The following DTHD1 variants were observed in gnomAD, a reference collection of about 807,000 sequenced individuals.
The protein encoded by DTHD1 is death domain-containing protein 1.
DTHD1 carries 59 observed loss-of-function variants against 74.8 expected under a neutral mutation model. The observed-to-expected ratio is 0.79, with a 90% CI of 0.64 to 0.98. The LOEUF (loss-of-function observed/expected upper bound fraction) is 0.98. DTHD1 is among the 50% of genes least tolerant of loss of function. DTHD1 has a pLI of 0.00. For synonymous variants in DTHD1, 365 were observed against 371.1 expected, an observed-to-expected ratio of 0.98 and a Z score of 0.19; for missense variants, 1,051 against 1,065.4, an observed-to-expected ratio of 0.99 and a Z score of 0.19.
At chr4:36,317,929 T>G (rs1056107540) in intron 8 of DTHD1, among the ~76,000 whole-genome samples, 2 of 152,206 alleles carry the variant, frequency 1.3e-5, no homozygotes, top group Non-Finnish European at 2.9e-5. Context: ...AAAAGGCAAG[T>G]TGGGGGAGAG....
intron 1 of DTHD1, among the ~76,000 whole-genome samples, chr4:36,283,271 A>G (rs1222648078): frequency 1.3e-5 from 2 of 152,180 alleles, no homozygotes; most frequent in Admixed American, 6.5e-5. Context: ...ATAAGATTTG[A>G]TCATGCTAAG....
chr4:36,300,092 T>G (rs1756671814), intron 5 of DTHD1, among the ~76,000 whole-genome samples: 1 of 152,234 alleles, frequency 6.6e-6, no homozygotes. Flanking sequence ...GTTTTCATCT[T>G]AAATCTGCTA....
chr4:36,284,985 A>T (rs888376664), intron 2 of DTHD1, among the ~76,000 whole-genome samples: 11 of 152,178 alleles, frequency 7.2e-5, no homozygotes, highest in African/African-American at 2.7e-4. Context: ...ATTTCAATGC[A>T]TGAATTTTGA....
chr4:36,316,210 A>T (rs58707171), intron 7 of DTHD1, 32 bp from the exon 8 acceptor site: 22 of 1,542,390 alleles, frequency 1.4e-5, no homozygotes, highest in Middle Eastern at 1.7e-4. Context: ...GAGATAACTT[A>T]ATGGTAATAA....
At chr4:36,323,441 G>C (rs1758151395) in intron 8 of DTHD1, among the ~76,000 whole-genome samples, 1 of 151,984 alleles carries the variant, frequency 6.6e-6, no homozygotes, top group Admixed American at 6.6e-5. Flanking sequence ...CTAGATAAAT[G>C]AGATGATTCT....
rs1441961507 is a variant in DTHD1, at chr4:36,316,288, G to A, written c.2142G>A (p.Leu714=). 1.9e-6 allele frequency: 3 copies of A among 1,551,538 alleles called. No individual in the cohort carries two copies. The African/African-American group carries it at 4.1e-5, about 21-fold the overall frequency. Residue 714 remains leucine, a synonymous_variant, in exon 8 of 10, where the codon TTG becomes TTA. Transcript: ENST00000639862. ...AAGACTACACACTTATTTTTCACTT[G>A]CAAAGAAAACCTAGGCTGGAACTCC... ...YGKDYTLIFH[L]QRKPRLELQI...
intron 2 of DTHD1, among the ~76,000 whole-genome samples, chr4:36,289,780 T>C: frequency 6.6e-6 from 1 of 152,078 alleles, no homozygotes; most frequent in Non-Finnish European, 1.5e-5. Flanking sequence ...CAAAATAAAA[T>C]TTTGGATTGA....
intron 9 of DTHD1, among the ~76,000 whole-genome samples, chr4:36,342,429 T>C (rs761107042): frequency 6.6e-6 from 1 of 151,842 alleles, no homozygotes; most frequent in Non-Finnish European, 1.5e-5. Flanking sequence ...AGCATGAAAG[T>C]GGGAGAAAGT....
intron 2 of DTHD1, among the ~76,000 whole-genome samples, chr4:36,288,197 C>A (rs1387284155): frequency 6.6e-6 from 1 of 152,182 alleles, no homozygotes; most frequent in Non-Finnish European, 1.5e-5. Flanking sequence ...CTCCCAGGTG[C>A]AAGCAATTCT....
At chr4:36,314,206 C>A (rs1033104081) in intron 7 of DTHD1, among the ~76,000 whole-genome samples, 10 of 151,694 alleles carry the variant, frequency 6.6e-5, no homozygotes, top group Non-Finnish European at 1.5e-4. Context: ...AGAAAAATCA[C>A]CAAAATGATC....
intron 9 of DTHD1, among the ~76,000 whole-genome samples, chr4:36,340,019 TA>T (rs1301227553): frequency 2.0e-5 from 3 of 152,232 alleles, no homozygotes; most frequent in Admixed American, 6.5e-5. Context: ...GATAAAAGCA[TA>T]ATCACTGCCA....
At chr4:36,283,820 A>G (rs1351980185) in intron 1 of DTHD1, 156 bp from the exon 2 acceptor site, 5 of 608,008 alleles carry the variant, frequency 8.2e-6, no homozygotes, top group Non-Finnish European at 1.4e-5. Flanking sequence ...ACAGTTATAC[A>G]ATTACTTCTC....
chr4:36,300,623 T>C (rs1353160442), intron 5 of DTHD1, among the ~76,000 whole-genome samples: 4 of 152,248 alleles, frequency 2.6e-5, no homozygotes, highest in African/African-American at 9.6e-5. Flanking sequence ...GATCTCGCTG[T>C]TTTACACTAA....
chr4:36,331,814 C>T (rs1758695466), intron 8 of DTHD1, among the ~76,000 whole-genome samples: 1 of 152,156 alleles, frequency 6.6e-6, no homozygotes, highest in African/African-American at 2.4e-5. Context: ...CTAAAAGTAT[C>T]AGAAAGTTCT....
intron 8 of DTHD1, among the ~76,000 whole-genome samples, chr4:36,322,014 TC>T (rs56781569): frequency 0.11 from 16,107 of 152,178 alleles, 1,889 homozygotes; most frequent in African/African-American, 0.29. Flanking sequence ...CTCCTTCAGT[TC>T]TTTGCTGAAA....
At chr4:36,312,552 A>G (rs973448844) in intron 7 of DTHD1, among the ~76,000 whole-genome samples, 5 of 150,846 alleles carry the variant, frequency 3.3e-5, no homozygotes, top group East Asian at 1.9e-4. Context: ...TTGCAGTTTT[A>G]TCTCAGGGAA....
chr4:36,302,271 G>A (rs1357497944), intron 5 of DTHD1, among the ~76,000 whole-genome samples: 1 of 152,180 alleles, frequency 6.6e-6, no homozygotes, highest in South Asian at 2.1e-4. Flanking sequence ...CAAAGCAAAA[G>A]AGAATGGGAC....
rs551839788 is a variant in DTHD1 at position 36,343,867 on chromosome 4, G to C, written c.*43G>C. 2.0e-5 allele frequency: 30 copies of C among 1,473,464 alleles called. No individual in the cohort carries two copies. The African/African-American group carries it at 3.1e-4, about 15-fold the overall frequency. The allele number at this position is 1,473,464 out of a possible 1,614,324, so 91.3% of individuals were successfully genotyped here. A position where few individuals can be genotyped will look rare whatever the true frequency, so the allele number is the denominator to read the frequency against. ...CTTTACCCCTAGGAAAAGGCACACG[G>C]TGGGTTTTTGTTTCTGTCAACATTT... On this transcript the variant is annotated 3_prime_UTR_variant, in exon 10 of 10. Coordinates refer to ENST00000639862, the MANE Select transcript of DTHD1 (RefSeq NM_001170700.3).
intron 8 of DTHD1, among the ~76,000 whole-genome samples, chr4:36,329,194 G>A (rs1336446052): frequency 6.6e-6 from 1 of 152,176 alleles, no homozygotes; most frequent in Non-Finnish European, 1.5e-5. Flanking sequence ...GGCAAATCTA[G>A]ATCTTTCAAA....
Sources: allele counts gnomAD v4.1 joint callset (sites outside exome capture counted in the v4.1 genomes callset), GRCh38; gene constraint gnomAD v4.1.1; transcripts MANE v1.5; gene names NCBI Gene and HGNC (gene_info 2026-07-23, HGNC 2026-07-21).